The following MBD5 variants were observed in gnomAD, a reference collection of about 807,000 sequenced individuals.
MBD5 encodes methyl-CpG-binding domain protein 5.
MBD5 carries 13 observed loss-of-function variants against 117.3 expected under a neutral mutation model. The observed-to-expected ratio is 0.11, with a 90% CI of 0.07 to 0.18. MBD5 has a LOEUF of 0.18. Ranked by LOEUF, MBD5 falls within the 10% of genes least tolerant of loss-of-function variation. The probability of loss-of-function intolerance (pLI) is 1.00; values close to 1 mark genes in which losing one functional copy is unlikely to be tolerated. For missense variants in MBD5, 1,879 were observed against 2,093.8 expected, an observed-to-expected ratio of 0.90 and a Z score of 2.00; for synonymous variants, 727 against 766.4, an observed-to-expected ratio of 0.95 and a Z score of 0.85.
intron 4 of MBD5, among the ~76,000 whole-genome samples, chr2:148,397,229 T>G (rs192306350): frequency 4.9e-4 from 75 of 152,218 alleles, no homozygotes; most frequent in Admixed American, 4.1e-3. Context: ...ACCAGCAAAC[T>G]GATCATATGG....
At chr2:148,120,853 A>G (rs559880887) in intron 1 of MBD5, among the ~76,000 whole-genome samples, 4 of 152,332 alleles carry the variant, frequency 2.6e-5, no homozygotes, top group Admixed American at 6.5e-5. Context: ...TCCTGATCTT[A>G]GAGAGAAAGC....
intron 3 of MBD5, among the ~76,000 whole-genome samples, chr2:148,293,584 T>A (rs1701554561): frequency 6.6e-6 from 1 of 152,208 alleles, no homozygotes; most frequent in African/African-American, 2.4e-5. Flanking sequence ...CTTACCTCTA[T>A]CTTAGTCTTT....
chr2:148,319,672 C>A (rs111265800), intron 3 of MBD5, among the ~76,000 whole-genome samples: 1 of 152,230 alleles, frequency 6.6e-6, no homozygotes, highest in African/African-American at 2.4e-5. Context: ...TTAGAATTTG[C>A]TAGATATAAG....
intron 4 of MBD5, among the ~76,000 whole-genome samples, chr2:148,390,539 G>A (rs1330726686): frequency 7.3e-6 from 1 of 136,954 alleles, no homozygotes; most frequent in Non-Finnish European, 1.5e-5. Context: ...GTGTATATGT[G>A]TGTATATATA....
At chr2:148,085,388 A>G (rs1043324312) in intron 1 of MBD5, among the ~76,000 whole-genome samples, 3 of 152,194 alleles carry the variant, frequency 2.0e-5, no homozygotes, top group Non-Finnish European at 2.9e-5. Context: ...AAACTTTTAC[A>G]GGAATCCTTG....
rs1204636024 is a variant in MBD5, at chr2:148,483,953, C to G, written c.3362C>G (p.Thr1121Ser). Residue 1121 changes from threonine (T) to serine (S), a missense_variant, in exon 9 of 14, where the codon ACT (threonine) becomes AGT (serine). Physicochemically the swap from Thr to Ser is moderately conservative, Grantham distance 58. Transcript: ENST00000642680. ...TCCCAGGCAACCACTACCACAACCA[C>G]TACATCATCAGCAGTGGCAGCACTG... ...TSSQATTTTT[T>S]TSSAVAALTV... is the part of the protein sequence containing the mutation. 2 of 1,550,554 alleles carry G rather than the reference C, an allele frequency of 1.3e-6. No individual in the cohort carries two copies. Among genetic ancestry groups the G allele is most frequent in the Non-Finnish European group, 1.7e-6 (2 of 1,146,948 alleles).
chr2:148,225,760 C>G (rs112200078), intron 2 of MBD5, among the ~76,000 whole-genome samples: 2,508 of 152,238 alleles, frequency 0.016, 23 homozygotes, highest in Non-Finnish European at 0.026. Context: ...TCCTTCACCA[C>G]TTTAAATATG....
intron 8 of MBD5, among the ~76,000 whole-genome samples, chr2:148,473,081 A>T (rs1301600195): frequency 6.6e-6 from 1 of 152,202 alleles, no homozygotes; most frequent in Non-Finnish European, 1.5e-5. Flanking sequence ...AATCTTTTAA[A>T]ATGTTCAATA....
chr2:148,362,492 A>G (rs191717771), intron 4 of MBD5, among the ~76,000 whole-genome samples: 226 of 152,304 alleles, frequency 1.5e-3, no homozygotes, highest in Admixed American at 3.5e-3. Flanking sequence ...CCAGTCAGGG[A>G]CATATACATA....
chr2:148,059,214 A>G (rs1304746883), intron 1 of MBD5, among the ~76,000 whole-genome samples: 1 of 152,218 alleles, frequency 6.6e-6, no homozygotes, highest in Non-Finnish European at 1.5e-5. Context: ...ATCATTTATA[A>G]ATATTTAACT....
chr2:148,458,561 A>C lies in MBD5; in HGVS notation c.-198A>C, dbSNP rs1706956294. 1 of 619,996 alleles carries C rather than the reference A, an allele frequency of 1.6e-6. No individual in the cohort carries two copies. 38.4% of individuals were successfully genotyped at this position (619,996 alleles called of 1,614,324 possible). A position where few individuals can be genotyped will look rare whatever the true frequency, so the allele number is the denominator to read the frequency against. On this transcript the variant is annotated 5_prime_UTR_variant, in exon 5 of 14. Coordinates refer to ENST00000642680, the MANE Select transcript of MBD5 (RefSeq NM_001378120.1). Reference sequence around the variant, plus strand: ...ATATTGGTTATTTAATGTAGATTATAATGGGAAGCTGATTTTTTTCACAAT... The same window carrying C: ...ATATTGGTTATTTAATGTAGATTATCATGGGAAGCTGATTTTTTTCACAAT...
At chr2:148,292,298 A>C (rs1701518504) in intron 3 of MBD5, among the ~76,000 whole-genome samples, 1 of 152,236 alleles carries the variant, frequency 6.6e-6, no homozygotes, top group South Asian at 2.1e-4. Flanking sequence ...ATGGGAGAAA[A>C]TATTTGCAAA....
intron 4 of MBD5, among the ~76,000 whole-genome samples, chr2:148,386,490 G>T (rs1431644935): frequency 6.6e-6 from 1 of 151,864 alleles, no homozygotes; most frequent in East Asian, 1.9e-4. Flanking sequence ...AGGCCGAGGC[G>T]GGCGGATCAC....
At chr2:148,281,659 G>A (rs982384105) in intron 3 of MBD5, among the ~76,000 whole-genome samples, 4 of 151,916 alleles carry the variant, frequency 2.6e-5, no homozygotes, top group Admixed American at 6.6e-5. Flanking sequence ...CATTTTGCAG[G>A]TTCATCCTGA....
At chr2:148,263,637 G>A (rs1009929901) in intron 3 of MBD5, among the ~76,000 whole-genome samples, 1 of 152,146 alleles carries the variant, frequency 6.6e-6, no homozygotes, top group Admixed American at 6.5e-5. Context: ...ATTGGGTGGA[G>A]GTTAGAGTTT....
At chr2:148,128,505 CT>C (rs887416062) in intron 1 of MBD5, among the ~76,000 whole-genome samples, 30 of 152,024 alleles carry the variant, frequency 2.0e-4, no homozygotes, top group African/African-American at 6.0e-4. Flanking sequence ...TGGGACTGTC[CT>C]TTTTTGTTCA....
intron 4 of MBD5, among the ~76,000 whole-genome samples, chr2:148,405,076 C>T (rs1705035875): frequency 6.6e-6 from 1 of 152,068 alleles, no homozygotes; most frequent in African/African-American, 2.4e-5. Context: ...TTCATTTCCT[C>T]TCCCTTTTCT....
At chr2:148,412,272 TTG>T (rs59209677) in intron 4 of MBD5, among the ~76,000 whole-genome samples, 45,385 of 144,306 alleles carry the variant, frequency 0.31, 7,221 homozygotes, top group East Asian at 0.42. Context: ...AGTATACTTT[TTG>T]TGTGTGTGTG....
chr2:148,183,536 G>C (rs1199979327), intron 2 of MBD5, among the ~76,000 whole-genome samples: 1 of 151,298 alleles, frequency 6.6e-6, no homozygotes, highest in Non-Finnish European at 1.5e-5. Flanking sequence ...AAAAAAATTG[G>C]ATGTATATAT....
Sources: gnomAD v4.1 joint callset for allele counts (sites outside exome capture counted in the v4.1 genomes callset) on GRCh38, gnomAD v4.1.1 for gene constraint, MANE v1.5 for transcripts, NCBI Gene and HGNC (gene_info 2026-07-23, HGNC 2026-07-21) for gene names.